MTA3: variants seen among roughly 807,000 people sequenced by gnomAD.
The protein encoded by MTA3 is metastasis associated 1 family member 3, also known as metastasis-associated protein MTA3.
MTA3 carries 34 observed loss-of-function variants against 83.5 expected under a neutral mutation model. That is an observed-to-expected ratio of 0.41 (90% CI 0.31 to 0.54). The LOEUF is 0.54. Among genes scored for constraint, MTA3 ranks in the 20% least tolerant of loss-of-function variants. The probability of loss-of-function intolerance (pLI) is 0.33; values close to 1 mark genes in which losing one functional copy is unlikely to be tolerated. For missense variants in MTA3, 761 were observed against 726.4 expected (o/e 1.05, Z -0.55); for synonymous variants, 303 against 252.7 (o/e 1.20, Z -1.89).
intron 2 of MTA3, among the ~76,000 whole-genome samples, chr2:42,503,229 C>G (rs1056137322): frequency 6.6e-6 from 1 of 152,294 alleles, no homozygotes; most frequent in East Asian, 1.9e-4. Context: ...CATGACTCCT[C>G]TTTTTAGACC....
chr2:42,656,024 C>T (rs1285700401), intron 6 of MTA3, among the ~76,000 whole-genome samples, 176 bp from the exon 7 acceptor site: 1 of 152,236 alleles, frequency 6.6e-6, no homozygotes, highest in African/African-American at 2.4e-5. Flanking sequence ...GTGTCATTAT[C>T]ATCAGTGTTC....
chr2:42,555,932 C>T (rs1677365760), intron 2 of MTA3, among the ~76,000 whole-genome samples: 1 of 146,276 alleles, frequency 6.8e-6, no homozygotes, highest in African/African-American at 2.6e-5. Context: ...AGTAGCCAGA[C>T]ATGGTGGTGG....
intron 3 of MTA3, among the ~76,000 whole-genome samples, chr2:42,586,001 G>T (rs941537157): frequency 2.0e-5 from 3 of 151,842 alleles, no homozygotes; most frequent in African/African-American, 7.2e-5. Context: ...AGAAAATTTA[G>T]GGCCAGGCGC....
At chr2:42,695,677 T>TATA (rs1156682869) in intron 9 of MTA3, 88 bp from the exon 10 acceptor site, 1 of 567,450 alleles carries the variant, frequency 1.8e-6, no homozygotes, top group African/African-American at 2.1e-5. Flanking sequence ...TGGTGGTTTT[T>TATA]AAGGAAAGTA....
At chr2:42,611,322 T>C (rs62142705) in intron 4 of MTA3, among the ~76,000 whole-genome samples, 45 of 16,082 alleles carry the variant, frequency 2.8e-3, no homozygotes, top group African/African-American at 4.8e-3. Context: ...ACTTAACACA[T>C]ACACACACAC....
intron 2 of MTA3, among the ~76,000 whole-genome samples, chr2:42,561,852 T>C (rs1332118349): frequency 6.6e-6 from 1 of 152,232 alleles, no homozygotes; most frequent in Non-Finnish European, 1.5e-5. Flanking sequence ...TGGGTGACTC[T>C]ATGTTTACTT....
At chr2:42,572,656 T>A (rs1016142199) in intron 2 of MTA3, among the ~76,000 whole-genome samples, 1 of 152,174 alleles carries the variant, frequency 6.6e-6, no homozygotes, top group African/African-American at 2.4e-5. Flanking sequence ...CACATTAAGA[T>A]TTGTCCGAGA....
intron 3 of MTA3, among the ~76,000 whole-genome samples, chr2:42,601,356 G>A (rs896482398): frequency 1.3e-5 from 2 of 152,170 alleles, no homozygotes; most frequent in Non-Finnish European, 2.9e-5. Flanking sequence ...CTCTTACAGA[G>A]GCAAGACCTT....
intron 1 of MTA3, chr2:42,569,683 AAGTTTCCAGCAAGCCTATT>A: frequency 6.6e-6 from 1 of 152,324 alleles, no homozygotes; most frequent in South Asian, 2.1e-4. Flanking sequence ...ACACAGTGGG[AAGTTTCCAGCAAGCCTATT>A]AGATGAGAGG....
At chr2:42,575,426 G>A (rs780255245) in intron 2 of MTA3, among the ~76,000 whole-genome samples, 77 of 152,182 alleles carry the variant, frequency 5.1e-4, no homozygotes, top group Non-Finnish European at 8.2e-4. Context: ...ATTAATTTCT[G>A]AAATGTCTGA....
intron 2 of MTA3, among the ~76,000 whole-genome samples, chr2:42,524,483 T>TG (rs1553337466): frequency 2.5e-4 from 35 of 140,734 alleles, no homozygotes; most frequent in Admixed American, 1.1e-3. Flanking sequence ...TTTTTTTTTT[T>TG]TTTTTTTTTT....
At chr2:42,539,384 A>G (rs1274104646) in intron 2 of MTA3, among the ~76,000 whole-genome samples, 10 of 152,030 alleles carry the variant, frequency 6.6e-5, no homozygotes, top group Non-Finnish European at 1.3e-4. Context: ...AGAGCTGAGC[A>G]AAGGGGGAAG....
At chr2:42,627,173 GCTC>G (rs1294956722) in intron 4 of MTA3, among the ~76,000 whole-genome samples, 1 of 151,996 alleles carries the variant, frequency 6.6e-6, no homozygotes, top group Non-Finnish European at 1.5e-5. Context: ...GAACTCCTGG[GCTC>G]AAGCGATCCT....
At chr2:42,568,835 G>C in intron 1 of MTA3, 62 bp downstream of exon 1, 1 of 1,208,938 alleles carries the variant, frequency 8.3e-7, no homozygotes, top group Non-Finnish European at 1.0e-6. Context: ...GGGGGCCGGG[G>C]CGAGTGCACG....
At chr2:42,701,291 C>CAAAAAA (rs35602598) in intron 11 of MTA3, among the ~76,000 whole-genome samples, 1 of 69,798 alleles carries the variant, frequency 1.4e-5, no homozygotes, top group Non-Finnish European at 2.6e-5. Context: ...GACCCTGCCT[C>CAAAAAA]AAAAAAAAAA....
At chr2:42,508,439 C>A (rs938572052) in intron 2 of MTA3, among the ~76,000 whole-genome samples, 9 of 152,032 alleles carry the variant, frequency 5.9e-5, no homozygotes, top group African/African-American at 1.9e-4. Context: ...TCAAGCGATC[C>A]TCCCACCTCA....
intron 2 of MTA3, among the ~76,000 whole-genome samples, chr2:42,548,846 A>ATATATATATATTATATATATATATATAAT (rs1553340715): frequency 6.6e-5 from 1 of 15,056 alleles, no homozygotes; most frequent in African/African-American, 2.6e-4. Context: ...ATATATATAT[A>ATATATATATATTATATATATATATATAAT]ATATATATAT....
chr2:42,570,656 GGAGACCAGCCTGTGCAACATAGT>G (rs2103829103), intron 2 of MTA3, among the ~76,000 whole-genome samples, 152 bp downstream of exon 2: 1 of 152,164 alleles, frequency 6.6e-6, no homozygotes, highest in East Asian at 1.9e-4. Flanking sequence ...CCCAGGAGTT[GGAGACCAGCCTGTGCAACATAGT>G]GAGACCCTAT....
At chr2:42,544,856 C>G (rs886830693) in intron 2 of MTA3, among the ~76,000 whole-genome samples, 15 of 152,230 alleles carry the variant, frequency 9.9e-5, no homozygotes, top group African/African-American at 3.6e-4. Context: ...CAAGTACAGC[C>G]TGATTAATGC....
Sources: allele counts gnomAD v4.1 joint callset (sites outside exome capture counted in the v4.1 genomes callset), GRCh38; gene constraint gnomAD v4.1.1; transcripts MANE v1.5; gene names NCBI Gene and HGNC (gene_info 2026-07-23, HGNC 2026-07-21).